The following SIN3A variants were observed in gnomAD, a reference collection of about 807,000 sequenced individuals.
The protein encoded by SIN3A is SIN3 transcription regulator family member A.
Under a neutral mutation model 146.1 loss-of-function variants are expected in SIN3A, and 14 were observed. The observed-to-expected ratio is 0.10, with a 90% confidence interval of 0.06 to 0.15. The LOEUF (loss-of-function observed/expected upper bound fraction) is 0.15, where lower values mean the gene tolerates loss of function less well. Ranked by LOEUF, SIN3A falls within the 10% of genes least tolerant of loss-of-function variation. The probability of loss-of-function intolerance (pLI) is 1.00; values close to 1 mark genes in which losing one functional copy is unlikely to be tolerated. For missense variants in SIN3A, 1,028 were observed against 1,576.0 expected (o/e 0.65, Z 5.89); for synonymous variants, 572 against 572.0 (o/e 1.00, Z 0.00).
At chr15:75,411,872 G>T in intron 5 of SIN3A, 129 bp from the exon 6 acceptor site, 1 of 926,144 alleles carries the variant, frequency 1.1e-6, no homozygotes, top group Non-Finnish European at 1.6e-6. Flanking sequence ...GGTCATTTTA[G>T]TCCAACACAA....
At position 75,400,896 on chromosome 15, in the gene SIN3A, T is replaced by C. The variant is rs749338687; in HGVS notation, c.1571A>G (p.Tyr524Cys). 3.1e-6 allele frequency: 5 copies of C among 1,614,070 alleles called. No individual in the cohort carries two copies. The highest frequency in any genetic ancestry group is 1.3e-5 in the African/African-American group (1 of 75,048). Residue 524 changes from tyrosine (Y) to cysteine (C), a missense_variant, in exon 11 of 21, where the codon TAT (tyrosine) becomes TGT (cysteine). Coordinates refer to ENST00000394947, the MANE Select transcript of SIN3A (RefSeq NM_001145358.2). ...AGTTTCCAGATGTACAGACTCCTTA[T>C]AGCCCAGAAAGTTTTTAAACCAATT... Reference protein sequence around the residue: ...LFNWFKNFLGYKESVHLETYP... With the variant: ...LFNWFKNFLGCKESVHLETYP...
At chr15:75,404,901 G>A (rs1012268464) in intron 9 of SIN3A, among the ~76,000 whole-genome samples, 3 of 152,148 alleles carry the variant, frequency 2.0e-5, no homozygotes, top group Non-Finnish European at 4.4e-5. Context: ...GAAGGCAAAT[G>A]CTGAGGCCGA....
At chr15:75,388,098 T>A (rs1273744490) in intron 16 of SIN3A, among the ~76,000 whole-genome samples, 1 of 152,214 alleles carries the variant, frequency 6.6e-6, no homozygotes, top group Non-Finnish European at 1.5e-5. Flanking sequence ...AAGAATTCAA[T>A]ATTTTAGCCC....
Position 75,375,829 on chromosome 15 carries a change from G to A in SIN3A, c.3427C>T (p.Gln1143Ter). 1 of 1,613,884 alleles carries A rather than the reference G, an allele frequency of 6.2e-7. No homozygotes were observed. Among genetic ancestry groups the A allele is most frequent in the Non-Finnish European group, 8.5e-7 (1 of 1,180,018 alleles). The change falls in exon 20 of 21, where the codon CAG (glutamine) becomes TAG (stop). Residue 1143 changes from glutamine to a stop codon, truncating the protein, a stop_gained. Coordinates refer to ENST00000394947, the MANE Select transcript of SIN3A (RefSeq NM_001145358.2). LOFTEE classifies it high-confidence loss of function. ...TTTCCTTCCTTCCCTTCCTTTTCCTGCTGCTCTCGACCACGTTGACACTTC... is the reference window on the plus strand; with the variant it reads ...TTTCCTTCCTTCCCTTCCTTTTCCTACTGCTCTCGACCACGTTGACACTTC... ...IRKCQRGREQ[Q>*]EKEGKEGNSK... is the part of the protein sequence containing the mutation.
chr15:75,434,369 G>A (rs568710372), intron 1 of SIN3A, among the ~76,000 whole-genome samples: 4 of 152,310 alleles, frequency 2.6e-5, no homozygotes, highest in African/African-American at 7.2e-5. Flanking sequence ...TGTAAAGTAG[G>A]CCGGGCGCGG....
intron 6 of SIN3A, among the ~76,000 whole-genome samples, 156 bp from the exon 7 acceptor site, chr15:75,410,442 G>GA (rs376579588): frequency 2.7e-4 from 39 of 145,346 alleles, no homozygotes; most frequent in Admixed American, 2.1e-4. Flanking sequence ...TTCAAGTTGA[G>GA]AAAAAAAAAA....
intron 9 of SIN3A, 69 bp from the exon 10 acceptor site, chr15:75,402,039 C>T (rs2073421178): frequency 3.1e-6 from 3 of 971,276 alleles, no homozygotes; most frequent in Non-Finnish European, 4.9e-6. Flanking sequence ...AAGGGCCTCG[C>T]TCTGTCGCCC....
intron 1 of SIN3A, among the ~76,000 whole-genome samples, chr15:75,438,623 A>C (rs1464318523): frequency 6.6e-6 from 1 of 152,036 alleles, no homozygotes; most frequent in South Asian, 2.1e-4. Flanking sequence ...TGGGAGGTTG[A>C]GGCTACAGTG....
intron 2 of SIN3A, among the ~76,000 whole-genome samples, chr15:75,427,319 GCCAAGAT>G (rs1161744339): frequency 2.0e-5 from 3 of 152,000 alleles, no homozygotes; most frequent in African/African-American, 7.3e-5. Flanking sequence ...GTTGCAGTGA[GCCAAGAT>G]CACGCCACTG....
chr15:75,393,994 G>A (rs976405198), intron 14 of SIN3A, among the ~76,000 whole-genome samples: 2 of 151,970 alleles, frequency 1.3e-5, no homozygotes, highest in East Asian at 1.9e-4. Flanking sequence ...TTTTAGTAAA[G>A]ACGGGGTTTC....
intron 5 of SIN3A, among the ~76,000 whole-genome samples, 184 bp from the exon 6 acceptor site, chr15:75,411,927 T>C (rs2073647762): frequency 1.3e-5 from 2 of 152,230 alleles, no homozygotes; most frequent in Admixed American, 1.3e-4. Flanking sequence ...TCAAACATGC[T>C]GATACAAATA....
chr15:75,437,208 T>C (rs1253788384), intron 1 of SIN3A, among the ~76,000 whole-genome samples: 1 of 151,536 alleles, frequency 6.6e-6, no homozygotes, highest in Non-Finnish European at 1.5e-5. Context: ...CATACCATTA[T>C]GTCCACCAGG....
chr15:75,376,702 A>T (rs35041024), intron 19 of SIN3A, among the ~76,000 whole-genome samples: 1 of 92,322 alleles, frequency 1.1e-5, no homozygotes, highest in East Asian at 3.0e-4. Context: ...TACAAAAAAA[A>T]AAAAAAAATT....
intron 6 of SIN3A, 129 bp downstream of exon 6, chr15:75,411,363 C>T (rs2073635537): frequency 9.6e-7 from 1 of 1,037,216 alleles, no homozygotes; most frequent in Non-Finnish European, 1.4e-6. Context: ...GCTTTAAAAA[C>T]ATGCATGATA....
chr15:75,380,443 G>C (rs947478505), intron 19 of SIN3A, among the ~76,000 whole-genome samples, 186 bp downstream of exon 19: 1 of 152,174 alleles, frequency 6.6e-6, no homozygotes, highest in African/African-American at 2.4e-5. Flanking sequence ...TCACCTCCCA[G>C]ATGCTTTGAC....
intron 5 of SIN3A, among the ~76,000 whole-genome samples, 197 bp downstream of exon 5, chr15:75,412,566 G>A (rs765375080): frequency 1.3e-5 from 2 of 152,174 alleles, no homozygotes; most frequent in African/African-American, 2.4e-5. Context: ...TTGCTGTGTT[G>A]ATTTAAATAG....
chr15:75,440,118 T>C (rs2074179085), intron 1 of SIN3A, among the ~76,000 whole-genome samples: 2 of 151,462 alleles, frequency 1.3e-5, no homozygotes, highest in African/African-American at 4.8e-5. Flanking sequence ...GCCAATGCAC[T>C]CCAGCCTGGG....
In SIN3A at chr15:75,396,251, C is replaced by A; in HGVS notation, c.2093+7G>T. On this transcript the variant is annotated splice_region_variant and intron_variant, in intron 13 of 20. Transcript: ENST00000394947. The stretch of plus-strand genomic sequence containing the variant: ...CTAAAGCACTAAGGGCACATTTGCT[C>A]ATGTACCTTTTAAGGACAATTGGAA... 6.3e-7 allele frequency: 1 copy of A among 1,595,298 alleles called. No homozygotes were observed. The highest frequency in any genetic ancestry group is 1.3e-5 in the African/African-American group (1 of 74,644).
chr15:75,410,128 A>G lies in SIN3A; in HGVS notation c.1161+6T>C, dbSNP rs2073603506. The G allele has an allele frequency of 3.1e-6, 5 of 1,612,878 alleles. No individual in the cohort carries two copies. Among genetic ancestry groups the G allele is most frequent in the Non-Finnish European group, 4.2e-6 (5 of 1,179,540 alleles). On this transcript the variant is annotated splice_donor_region_variant and intron_variant, in intron 7 of 20. Coordinates refer to ENST00000394947, the MANE Select transcript of SIN3A (RefSeq NM_001145358.2). ...AAATAGTGTAATTCTTATTAAAAAA[A>G]CATACCACGGAGCTGTTGGCATCTG...
Sources: allele counts gnomAD v4.1 joint callset (sites outside exome capture counted in the v4.1 genomes callset), GRCh38; gene constraint gnomAD v4.1.1; transcripts MANE v1.5; gene names NCBI Gene and HGNC (gene_info 2026-07-23, HGNC 2026-07-21).